Variants in PPP1CC observed in about 807,000 individuals in gnomAD.
The protein encoded by PPP1CC is serine/threonine-protein phosphatase PP1-gamma catalytic subunit.
Under a neutral mutation model 38.4 loss-of-function variants are expected in PPP1CC, and 16 were observed. That is an observed-to-expected ratio of 0.42 (90% CI 0.28 to 0.63). The LOEUF (loss-of-function observed/expected upper bound fraction) is 0.63, where lower values mean the gene tolerates loss of function less well. Ranked by LOEUF, PPP1CC falls within the 30% of genes least tolerant of loss-of-function variation. The probability of loss-of-function intolerance (pLI) is 0.25; values close to 1 mark genes in which losing one functional copy is unlikely to be tolerated. For synonymous variants in PPP1CC, 158 were observed against 136.0 expected (o/e 1.16, Z -1.13); for missense variants, 170 against 391.3 (o/e 0.43, Z 4.77).
At chr12:110,715,360 G>A (rs567752694), downstream of PPP1CC, among the ~76,000 whole-genome samples, 121 of 152,012 alleles carry the variant, frequency 8.0e-4, 1 homozygote, top group Middle Eastern at 6.8e-3. Flanking sequence ...TCACTCTGTC[G>A]CCCAGGCTGG....
chr12:110,721,698 T>A (rs542028934), intron 6 of PPP1CC: 81 of 199,184 alleles, frequency 4.1e-4, no homozygotes, highest in African/African-American at 1.7e-3. Context: ...TAAATAATGC[T>A]TTTGTGCCAA....
the PPP1CC span, among the ~76,000 whole-genome samples, chr12:110,712,700 C>G: frequency 2.7e-5 from 4 of 146,522 alleles, no homozygotes; most frequent in South Asian, 4.4e-4. Context: ...ATGAAAAACC[C>G]TGGTCTCCTA....
the PPP1CC span, among the ~76,000 whole-genome samples, chr12:110,709,082 T>C: frequency 2.3e-4 from 35 of 151,382 alleles, no homozygotes; most frequent in East Asian, 3.3e-3. Context: ...TGAGGAACAA[T>C]AGAAACAACA....
At chr12:110,732,047 T>A (rs1209326836) in intron 1 of PPP1CC, 146 bp from the exon 2 acceptor site, 1 of 810,450 alleles carries the variant, frequency 1.2e-6, no homozygotes, top group East Asian at 2.7e-5. Flanking sequence ...GGTTTTAATG[T>A]CTAATTAGAA....
chr12:110,724,326 C>T (rs931129018), intron 4 of PPP1CC, among the ~76,000 whole-genome samples: 26 of 152,152 alleles, frequency 1.7e-4, no homozygotes, highest in African/African-American at 6.0e-4. Flanking sequence ...TTTGGAAGTC[C>T]GAGGCAGGAG....
chr12:110,727,201 T>C (rs1244017890), intron 3 of PPP1CC, among the ~76,000 whole-genome samples: 1 of 152,246 alleles, frequency 6.6e-6, no homozygotes, highest in East Asian at 1.9e-4. Context: ...TCCACCCACC[T>C]TGGCCTCCCA....
chr12:110,721,349 C>G, intron 6 of PPP1CC, 184 bp from the exon 7 acceptor site: 1 of 513,210 alleles, frequency 1.9e-6, no homozygotes, highest in East Asian at 3.3e-5. Context: ...AACGCTATGA[C>G]GAACAGATAA....
chr12:110,720,209 A>G lies in PPP1CC; in HGVS notation c.*867T>C, dbSNP rs1326517040. On this transcript the variant is annotated 3_prime_UTR_variant, in exon 7 of 7. Transcript: ENST00000335007. ...ACGGGTTCAGGCCTGATGCAACTGT[A>G]AAAAGATTACTTAATGAATAGACTA... The G allele has an allele frequency of 1.3e-6, 2 of 1,545,158 alleles. No homozygotes were observed. Among genetic ancestry groups the G allele is most frequent in the Non-Finnish European group, 1.7e-6 (2 of 1,150,168 alleles).
At chr12:110,742,565 G>C (rs2070030349) in intron 1 of PPP1CC, 88 bp downstream of exon 1, 2 of 1,154,404 alleles carry the variant, frequency 1.7e-6, no homozygotes, top group African/African-American at 1.6e-5. Context: ...AGCCCAACCG[G>C]CCTCCCAACT....
Position 110,722,210 on chromosome 12 carries a change from C to T in PPP1CC, c.807G>A (p.Ala269=), listed in dbSNP as rs61748070. 9.0e-3 allele frequency: 14,486 copies of T among 1,614,038 alleles called. 74 individuals are homozygous for T. Among genetic ancestry groups the T allele is most frequent in the Non-Finnish European group, 0.01 (11,939 of 1,179,962 alleles). Residue 269 remains alanine, a synonymous_variant, in exon 6 of 7, where the codon GCG becomes GCA. Transcript: ENST00000335007. The surrounding 1 kb of genome is among the most constrained non-coding windows in gnomAD (Gnocchi z 5.4). ...AKRQLVTLFS[A]PNYCGEFDNA... is the part of the protein sequence containing the mutation. Reference sequence around the variant, plus strand: ...TGTCAAACTCTCCGCAATAATTGGGCGCAGAAAACAGAGTGACCAACTGCC... The same window carrying T: ...TGTCAAACTCTCCGCAATAATTGGGTGCAGAAAACAGAGTGACCAACTGCC...
Position 110,742,793 on chromosome 12 carries a change from G to A in PPP1CC, c.-86C>T, listed in dbSNP as rs1031120849. On this transcript the variant is annotated 5_prime_UTR_variant, in exon 1 of 7. Transcript: ENST00000335007. Reference sequence around the variant, plus strand: ...CACCTCCTTTCCCACGCCACGAGCAGAGGCGGTGGTGGCGGCGGTGGCAGC... The same window carrying A: ...CACCTCCTTTCCCACGCCACGAGCAAAGGCGGTGGTGGCGGCGGTGGCAGC... 1.0e-5 allele frequency: 12 copies of A among 1,157,638 alleles called. No individual in the cohort carries two copies. The African/African-American group carries it at 1.4e-4, about 14-fold the overall frequency. 71.7% of individuals were successfully genotyped at this position (1,157,638 alleles called of 1,614,324 possible).
intron 2 of PPP1CC, 54 bp downstream of exon 2, chr12:110,731,716 T>C: frequency 6.4e-7 from 1 of 1,570,102 alleles, no homozygotes; most frequent in Non-Finnish European, 8.7e-7. Context: ...AACATATCCT[T>C]GACTCAGTTA....
chr12:110,715,667 G>A (rs2069681599), downstream of PPP1CC, among the ~76,000 whole-genome samples: 1 of 152,018 alleles, frequency 6.6e-6, no homozygotes, highest in Admixed American at 6.6e-5. Context: ...TGCCCAGGCT[G>A]TAGTGCAATG....
At chr12:110,727,889 T>C (rs929518668) in intron 3 of PPP1CC, among the ~76,000 whole-genome samples, 3 of 152,132 alleles carry the variant, frequency 2.0e-5, no homozygotes, top group South Asian at 2.1e-4. Context: ...ACAAATTGTG[T>C]TGATGACCAA....
chr12:110,712,635 C>CAAAAAAAAA, the PPP1CC span, among the ~76,000 whole-genome samples: 1 of 37,666 alleles, frequency 2.7e-5, no homozygotes, highest in Non-Finnish European at 4.4e-5. Context: ...GAAACTGTCT[C>CAAAAAAAAA]AAAAAAAAAA....
At position 110,730,084 on chromosome 12, in the gene PPP1CC, C is replaced by T. The variant is rs147786879; in HGVS notation, c.418+445G>A. On this transcript the variant is annotated intron_variant, in intron 3 of 6. Transcript: ENST00000335007. ...CCCAAGAGAGAAAAAACTGGCTGGG[C>T]ATCATGGCTCACGCCAGTAATCCCA... Among the ~76,000 whole-genome samples, 4 of 152,372 alleles carry T rather than the reference C, an allele frequency of 2.6e-5. No homozygotes were observed. The East Asian group carries it at 7.7e-4, about 29-fold the overall frequency.
Position 110,722,025 on chromosome 12 carries a change from A to G in PPP1CC, c.882+110T>C. The G allele has an allele frequency of 7.5e-7, 1 of 1,341,550 alleles. No homozygotes were observed. The highest frequency in any genetic ancestry group is 2.4e-5 in the East Asian group (1 of 41,954). 83.1% of individuals were successfully genotyped at this position (1,341,550 alleles called of 1,614,324 possible). ...ACACACTGGTTAAGGGAAAATAAAA[A>G]CTTAGCCTACTCAGCATAAGTGAAC... On this transcript the variant is annotated intron_variant, in intron 6 of 6. Transcript: ENST00000335007. The surrounding 1 kb of genome is among the most constrained non-coding windows in gnomAD (Gnocchi z 5.4).
the PPP1CC span, among the ~76,000 whole-genome samples, chr12:110,709,761 G>T: frequency 6.6e-6 from 1 of 150,664 alleles, no homozygotes; most frequent in Non-Finnish European, 1.5e-5. Flanking sequence ...TGGCTAGGCT[G>T]GTCTTGAACT....
At chr12:110,724,463 T>G (rs1364999428) in intron 4 of PPP1CC, among the ~76,000 whole-genome samples, 197 bp downstream of exon 4, 1 of 152,176 alleles carries the variant, frequency 6.6e-6, no homozygotes, top group Non-Finnish European at 1.5e-5. Context: ...AGTCTAGAAT[T>G]CCCTGTAATA....
Sources: allele counts gnomAD v4.1 joint callset (sites outside exome capture counted in the v4.1 genomes callset), GRCh38; gene constraint gnomAD v4.1.1; non-coding constraint Gnocchi (gnomAD v3.1); transcripts MANE v1.5; gene names NCBI Gene and HGNC (gene_info 2026-07-23, HGNC 2026-07-21).